ST6GALNAC3: variants seen among roughly 807,000 people sequenced by gnomAD.
ST6GALNAC3 encodes the protein ST6 N-acetylgalactosaminide alpha-2,6-sialyltransferase 3.
ST6GALNAC3 carries 25 observed loss-of-function variants against 32.7 expected under a neutral mutation model. The ratio of observed to expected loss-of-function variants is 0.76; its 90% CI spans 0.56 to 1.07. The LOEUF (loss-of-function observed/expected upper bound fraction) is 1.07. Ranked by LOEUF, ST6GALNAC3 falls within the 50% of genes least tolerant of loss-of-function variation. ST6GALNAC3 has a pLI of 0.00. For missense variants in ST6GALNAC3, 355 were observed against 382.4 expected (o/e 0.93, Z 0.60); for synonymous variants, 129 against 133.1 (o/e 0.97, Z 0.21).
intron 1 of ST6GALNAC3, among the ~76,000 whole-genome samples, chr1:76,147,904 G>A (rs1043897838): frequency 6.6e-6 from 1 of 152,028 alleles, no homozygotes; most frequent in African/African-American, 2.4e-5. Context: ...TTCTTCCAAG[G>A]AGCCTTCTGT....
intron 1 of ST6GALNAC3, among the ~76,000 whole-genome samples, chr1:76,079,533 G>A (rs1053596923): frequency 1.3e-5 from 2 of 152,156 alleles, no homozygotes; most frequent in Admixed American, 1.3e-4. Flanking sequence ...TTCTGCCTTC[G>A]AGAAGATTAT....
At chr1:76,241,939 A>G (rs745365962) in intron 1 of ST6GALNAC3, among the ~76,000 whole-genome samples, 9 of 152,210 alleles carry the variant, frequency 5.9e-5, no homozygotes, top group Non-Finnish European at 1.3e-4. Flanking sequence ...GCAGGCGGAT[A>G]TCCTCTAATA....
At chr1:76,433,003 G>A (rs559153552) in intron 3 of ST6GALNAC3, among the ~76,000 whole-genome samples, 2 of 152,098 alleles carry the variant, frequency 1.3e-5, no homozygotes, top group East Asian at 3.9e-4. Flanking sequence ...TTGCCACCCC[G>A]CCTGCTTCCC....
chr1:76,362,404 C>T (rs1417238275), intron 2 of ST6GALNAC3, among the ~76,000 whole-genome samples: 1 of 152,168 alleles, frequency 6.6e-6, no homozygotes, highest in Non-Finnish European at 1.5e-5. Flanking sequence ...CATTCCACCC[C>T]TGGCCTCCCA....
intron 1 of ST6GALNAC3, among the ~76,000 whole-genome samples, chr1:76,227,758 C>A (rs984640323): frequency 1.3e-5 from 2 of 152,106 alleles, no homozygotes; most frequent in Non-Finnish European, 2.9e-5. Flanking sequence ...TTTAGAAGTT[C>A]AATTACAGTA....
chr1:76,532,381 G>A (rs61773278), intron 3 of ST6GALNAC3, among the ~76,000 whole-genome samples: 6,043 of 152,236 alleles, frequency 0.04, 163 homozygotes, highest in Middle Eastern at 0.061. Flanking sequence ...TCTGAATACC[G>A]AATGCCACTA....
intron 1 of ST6GALNAC3, among the ~76,000 whole-genome samples, chr1:76,204,046 AC>A (rs1387327751): frequency 2.0e-5 from 3 of 151,574 alleles, no homozygotes; most frequent in African/African-American, 7.3e-5. Context: ...TTATCCCCTT[AC>A]CCCCACTACT....
intron 3 of ST6GALNAC3, among the ~76,000 whole-genome samples, chr1:76,421,108 A>G (rs1033050970): frequency 4.6e-5 from 7 of 152,106 alleles, no homozygotes; most frequent in Non-Finnish European, 8.8e-5. Context: ...GACGAGTAAA[A>G]GAAGAAATAA....
At chr1:76,362,359 G>A (rs1394246297) in intron 2 of ST6GALNAC3, among the ~76,000 whole-genome samples, 1 of 152,158 alleles carries the variant, frequency 6.6e-6, no homozygotes, top group Non-Finnish European at 1.5e-5. Flanking sequence ...ACAGTTCGAT[G>A]TGAGATTTGG....
intron 3 of ST6GALNAC3, among the ~76,000 whole-genome samples, chr1:76,457,818 G>A (rs1657951465): frequency 1.3e-5 from 2 of 150,428 alleles, no homozygotes; most frequent in South Asian, 4.2e-4. Flanking sequence ...CAGGACATAG[G>A]CATGGGCAAG....
At position 76,634,142 on chromosome 1, in the gene ST6GALNAC3, G is replaced by A. The variant is rs2100748301; in HGVS notation, c.*5336G>A. The A allele has an allele frequency of 4.1e-6, 4 of 979,802 alleles. 1 individual carries two copies. In the South Asian group the frequency reaches 1.9e-4, roughly 46 times the overall value. 60.7% of individuals were successfully genotyped at this position (979,802 alleles called of 1,614,324 possible). A position where few individuals can be genotyped will look rare whatever the true frequency, so the allele number is the denominator to read the frequency against. On this transcript the variant is annotated 3_prime_UTR_variant, in exon 5 of 5. Transcript: ENST00000328299. ...TTTCTCCACAGATACATCTCTTTTT[G>A]TTCACGCCTTGAAGACTTCAGAAAA...
At chr1:76,396,533 T>C (rs999741086) in intron 2 of ST6GALNAC3, among the ~76,000 whole-genome samples, 1 of 152,156 alleles carries the variant, frequency 6.6e-6, no homozygotes, top group Non-Finnish European at 1.5e-5. Context: ...CAGCCCTTTT[T>C]TTCCCCTATA....
chr1:76,175,790 TC>T (rs68037400), intron 1 of ST6GALNAC3, among the ~76,000 whole-genome samples: 28,910 of 152,144 alleles, frequency 0.19, 2,884 homozygotes, highest in Non-Finnish European at 0.2. Flanking sequence ...AGACCATTTG[TC>T]CTATACTATG....
chr1:76,272,324 GAAAA>G (rs55839101), intron 1 of ST6GALNAC3, among the ~76,000 whole-genome samples: 3 of 112,058 alleles, frequency 2.7e-5, no homozygotes, highest in African/African-American at 3.7e-5. Flanking sequence ...CTCAGTCTCG[GAAAA>G]AAAAAAAAAA....
chr1:76,395,342 A>G lies in ST6GALNAC3; in HGVS notation c.214-16666A>G, dbSNP rs539458940. 1.2e-3 allele frequency among the ~76,000 whole-genome samples: 181 copies of G among 152,212 alleles called. 1 individual carries two copies. Among genetic ancestry groups the G allele is most frequent in the Non-Finnish European group, 1.9e-3 (127 of 68,038 alleles). The stretch of plus-strand genomic sequence containing the variant: ...ACCTGAGCTCTTATACACTGTTGGT[A>G]GAAATGCAAATTAGTATAGTCATTA... On this transcript the variant is annotated intron_variant, in intron 2 of 4. Coordinates refer to ENST00000328299, the MANE Select transcript of ST6GALNAC3 (RefSeq NM_152996.4).
intron 2 of ST6GALNAC3, among the ~76,000 whole-genome samples, chr1:76,386,960 C>T (rs1652143070): frequency 1.3e-5 from 2 of 152,224 alleles, no homozygotes; most frequent in African/African-American, 4.8e-5. Context: ...CATACTGGGA[C>T]TCATTTTACC....
At chr1:76,562,815 GAC>G (rs1665323738) in intron 3 of ST6GALNAC3, among the ~76,000 whole-genome samples, 1 of 152,198 alleles carries the variant, frequency 6.6e-6, no homozygotes, top group Non-Finnish European at 1.5e-5. Flanking sequence ...AGGTCAGAGA[GAC>G]AATTCTCAAG....
At chr1:76,592,381 A>C (rs1022113738) in intron 3 of ST6GALNAC3, among the ~76,000 whole-genome samples, 1 of 152,170 alleles carries the variant, frequency 6.6e-6, no homozygotes, top group Non-Finnish European at 1.5e-5. Context: ...TCTGGCCTAC[A>C]TGACTGCTGA....
At chr1:76,171,845 A>G (rs1652530504) in intron 1 of ST6GALNAC3, among the ~76,000 whole-genome samples, 1 of 130,750 alleles carries the variant, frequency 7.6e-6, no homozygotes, top group Non-Finnish European at 1.7e-5. Flanking sequence ...GAAAAAAAAC[A>G]CAGAAAAACA....
Sources: allele counts gnomAD v4.1 joint callset (sites outside exome capture counted in the v4.1 genomes callset), GRCh38; gene constraint gnomAD v4.1.1; transcripts MANE v1.5; gene names NCBI Gene and HGNC (gene_info 2026-07-23, HGNC 2026-07-21).